ACP6: variants seen among roughly 807,000 people sequenced by gnomAD.
ACP6 encodes the protein lysophosphatidic acid phosphatase type 6.
A neutral mutation model predicts 48.1 loss-of-function variants in ACP6; 48 were observed. That is an observed-to-expected ratio of 1.00 (90% confidence interval 0.79 to 1.27). ACP6 has a LOEUF of 1.27. Ranked by LOEUF, ACP6 falls within the 50% of genes most tolerant of loss-of-function variation. The pLI is 0.00. For synonymous variants in ACP6, 172 were observed against 204.2 expected (o/e 0.84, Z 1.34); for missense variants, 485 against 529.1 (o/e 0.92, Z 0.82).
At chr1:147,634,072 A>C (rs587683322) in intron 5 of ACP6, among the ~76,000 whole-genome samples, 1 of 152,332 alleles carries the variant, frequency 6.6e-6, no homozygotes, top group Admixed American at 6.5e-5. Flanking sequence ...ACTGTTGTCC[A>C]CAAGTGCTGC....
At chr1:147,664,278 C>A (rs782319111) in intron 1 of ACP6, among the ~76,000 whole-genome samples, 1 of 152,122 alleles carries the variant, frequency 6.6e-6, no homozygotes, top group Non-Finnish European at 1.5e-5. Flanking sequence ...CTCATGTGGC[C>A]CCACCTCCTC....
intron 1 of ACP6, among the ~76,000 whole-genome samples, chr1:147,668,746 C>T (rs587753940): frequency 6.6e-6 from 1 of 152,136 alleles, no homozygotes; most frequent in South Asian, 2.1e-4. Flanking sequence ...GTAAGGCTAA[C>T]TAGAAACCTG....
intron 5 of ACP6, among the ~76,000 whole-genome samples, chr1:147,636,483 T>C (rs1343957255): frequency 6.6e-6 from 1 of 152,046 alleles, no homozygotes; most frequent in Non-Finnish European, 1.5e-5. Flanking sequence ...ATGAAGCAGA[T>C]AAAGCAAAGA....
At chr1:147,641,544 C>G (rs144599297), downstream of ACP6, among the ~76,000 whole-genome samples, 1 of 152,174 alleles carries the variant, frequency 6.6e-6, no homozygotes, top group East Asian at 1.9e-4. Context: ...TCCTGGGAAG[C>G]CTTTCACTTT....
At chr1:147,669,732 C>T in intron 1 of ACP6, 98 bp downstream of exon 1, 3 of 1,300,754 alleles carry the variant, frequency 2.3e-6, no homozygotes, top group Non-Finnish European at 3.1e-6. Flanking sequence ...GAGCCCCGCT[C>T]CGCGCGAGTA....
chr1:147,661,928 T>C (rs1557891348), intron 1 of ACP6, among the ~76,000 whole-genome samples: 1 of 152,208 alleles, frequency 6.6e-6, no homozygotes, highest in Non-Finnish European at 1.5e-5. Flanking sequence ...GACAGGCTGA[T>C]TCTCATTAGG....
At chr1:147,640,683 C>G (rs1177924720), downstream of ACP6, among the ~76,000 whole-genome samples, 4 of 152,160 alleles carry the variant, frequency 2.6e-5, no homozygotes, top group African/African-American at 9.7e-5. Flanking sequence ...GCACATGACT[C>G]CAAGATCAGT....
intron 7 of ACP6, chr1:147,651,431 C>G (rs1223321860): frequency 2.6e-5 from 4 of 152,168 alleles, no homozygotes; most frequent in Non-Finnish European, 4.4e-5. Flanking sequence ...CTTCATGTTA[C>G]AAGGGCAGAG....
intron 5 of ACP6, among the ~76,000 whole-genome samples, chr1:147,634,759 G>C (rs893346697): frequency 3.9e-5 from 6 of 152,316 alleles, no homozygotes; most frequent in Admixed American, 2.0e-4. Context: ...GGATGCAGCA[G>C]TGAACTGGTC....
chr1:147,647,986 C>G (rs1570949421), intron 9 of ACP6: 2 of 525,516 alleles, frequency 3.8e-6, no homozygotes, highest in East Asian at 6.2e-5. Context: ...CAGGGACGCT[C>G]AGGAGAAGAG....
chr1:147,637,082 T>C (rs1380797551), intron 5 of ACP6, among the ~76,000 whole-genome samples: 1 of 152,142 alleles, frequency 6.6e-6, no homozygotes, highest in African/African-American at 2.4e-5. Flanking sequence ...CAAGCACTTC[T>C]CTCCTCCTGC....
chr1:147,637,345 T>C (rs1190332644), downstream of ACP6, among the ~76,000 whole-genome samples: 1 of 152,212 alleles, frequency 6.6e-6, no homozygotes, highest in Non-Finnish European at 1.5e-5. Context: ...TCAGCTCTGA[T>C]TATTTCAAAG....
intron 7 of ACP6, chr1:147,651,266 C>A (rs1437776099): frequency 6.6e-6 from 1 of 152,108 alleles, no homozygotes; most frequent in Non-Finnish European, 1.5e-5. Flanking sequence ...TTTACAAAAC[C>A]AGGGCTAATT....
At chr1:147,634,520 A>G (rs782521755) in intron 5 of ACP6, among the ~76,000 whole-genome samples, 5 of 152,078 alleles carry the variant, frequency 3.3e-5, no homozygotes, top group Non-Finnish European at 7.3e-5. Context: ...CCAAGAAATC[A>G]CTGTGAAATA....
intron 9 of ACP6, chr1:147,647,883 C>A: frequency 4.1e-6 from 2 of 486,790 alleles, no homozygotes; most frequent in Non-Finnish European, 7.3e-6. Context: ...AAGCAGCCAA[C>A]ACCACGGGTG....
At chr1:147,649,745 T>G in intron 8 of ACP6, 1 of 197,242 alleles carries the variant, frequency 5.1e-6, no homozygotes, top group Non-Finnish European at 1.0e-5. Flanking sequence ...CCTGGCCACT[T>G]CCAATATTTT....
At chr1:147,659,348 T>C in intron 3 of ACP6, 48 bp downstream of exon 3, 3 of 1,596,188 alleles carry the variant, frequency 1.9e-6, no homozygotes, top group Non-Finnish European at 2.6e-6. Context: ...GGTATCCTCA[T>C]GTTCAAGACC....
At chr1:147,668,973 G>A (rs587619228) in intron 1 of ACP6, among the ~76,000 whole-genome samples, 1 of 152,280 alleles carries the variant, frequency 6.6e-6, no homozygotes, top group East Asian at 1.9e-4. Context: ...CAACCTGGAA[G>A]ACCAACGATA....
intron 9 of ACP6, 67 bp from the exon 10 acceptor site, chr1:147,647,633 C>A: frequency 1.3e-6 from 2 of 1,557,880 alleles, no homozygotes; most frequent in South Asian, 2.3e-5. Context: ...CCAGCTAAGC[C>A]CAGAGATCTG....
Sources: allele counts gnomAD v4.1 joint callset (sites outside exome capture counted in the v4.1 genomes callset), GRCh38; gene constraint gnomAD v4.1.1; transcripts MANE v1.5; gene names NCBI Gene and HGNC (gene_info 2026-07-23, HGNC 2026-07-21).